PTPRK: variants seen among roughly 807,000 people sequenced by gnomAD.
PTPRK encodes protein tyrosine phosphatase receptor type K, also known as receptor-type tyrosine-protein phosphatase kappa.
Under a neutral mutation model 178.0 loss-of-function variants are expected in PTPRK, and 75 were observed. That is an observed-to-expected ratio of 0.42 (90% CI 0.35 to 0.51). PTPRK has a LOEUF of 0.51. PTPRK is among the 20% of genes least tolerant of loss of function. The probability of loss-of-function intolerance (pLI) is 0.02; values close to 1 mark genes in which losing one functional copy is unlikely to be tolerated. For missense variants in PTPRK, 1,441 were observed against 1,797.8 expected (o/e 0.80, Z 3.59); for synonymous variants, 637 against 620.6 (o/e 1.03, Z -0.39).
chr6:127,987,974 C>T lies in PTPRK; in HGVS notation c.3097-2099G>A, dbSNP rs76187263. 3.5e-3 allele frequency among the ~76,000 whole-genome samples: 538 copies of T among 152,056 alleles called. 3 individuals carry two copies. Among genetic ancestry groups the T allele is most frequent in the African/African-American group, 0.012 (503 of 41,482 alleles). On this transcript the variant is annotated intron_variant, in intron 21 of 29. Coordinates refer to ENST00000368226, the MANE Select transcript of PTPRK (RefSeq NM_002844.4). Reference sequence around the variant, plus strand: ...AATGCATTAATCTATTAAAGTCATACAGTTTTGGTACTTTAATGTACTGAC... The same window carrying T: ...AATGCATTAATCTATTAAAGTCATATAGTTTTGGTACTTTAATGTACTGAC...
intron 3 of PTPRK, among the ~76,000 whole-genome samples, chr6:128,264,399 T>C (rs1356216817): frequency 2.0e-5 from 3 of 152,184 alleles, no homozygotes; most frequent in Non-Finnish European, 1.5e-5. Context: ...TGCAAAAAAC[T>C]GTACAGTGCT....
intron 1 of PTPRK, among the ~76,000 whole-genome samples, chr6:128,495,139 A>G (rs1473421407): frequency 6.6e-6 from 1 of 152,198 alleles, no homozygotes; most frequent in African/African-American, 2.4e-5. Flanking sequence ...CCATTCATAC[A>G]CAGTCTAAAG....
intron 1 of PTPRK, among the ~76,000 whole-genome samples, chr6:128,427,362 C>A (rs80187578): frequency 0.026 from 3,899 of 152,298 alleles, 163 homozygotes; most frequent in African/African-American, 0.088. Flanking sequence ...CTAAGCCACA[C>A]CACTCCCTTG....
At chr6:128,395,135 G>A (rs1840121159) in intron 2 of PTPRK, among the ~76,000 whole-genome samples, 1 of 151,968 alleles carries the variant, frequency 6.6e-6, no homozygotes, top group Non-Finnish European at 1.5e-5. Flanking sequence ...TATGAGCAAG[G>A]AATATTCAGT....
intron 12 of PTPRK, 71 bp downstream of exon 12, chr6:128,067,448 T>C: frequency 7.1e-7 from 1 of 1,400,002 alleles, no homozygotes; most frequent in African/African-American, 1.4e-5. Flanking sequence ...CGGATGCTAC[T>C]GAGTATTCAT....
chr6:128,102,825 C>T (rs1789015286), intron 7 of PTPRK, among the ~76,000 whole-genome samples: 1 of 152,140 alleles, frequency 6.6e-6, no homozygotes, highest in African/African-American at 2.4e-5. Flanking sequence ...GCTTTCCTAT[C>T]TCAGTAAAGT....
chr6:128,204,262 C>A (rs569664888), intron 6 of PTPRK, among the ~76,000 whole-genome samples: 1 of 152,152 alleles, frequency 6.6e-6, no homozygotes, highest in South Asian at 2.1e-4. Context: ...AAAACATATA[C>A]AAAAATTAAC....
intron 1 of PTPRK, among the ~76,000 whole-genome samples, chr6:128,453,791 A>C (rs2128407930): frequency 6.6e-6 from 1 of 152,284 alleles, no homozygotes; most frequent in South Asian, 2.1e-4. Flanking sequence ...GCTGCATGTA[A>C]GAATCACATG....
chr6:128,046,968 C>T (rs1265744148), intron 13 of PTPRK, among the ~76,000 whole-genome samples: 1 of 152,068 alleles, frequency 6.6e-6, no homozygotes, highest in African/African-American at 2.4e-5. Context: ...CATCCATCTG[C>T]ACAGAGAAAA....
intron 13 of PTPRK, among the ~76,000 whole-genome samples, chr6:128,012,551 C>T (rs1779169154): frequency 6.6e-6 from 1 of 151,000 alleles, no homozygotes; most frequent in Non-Finnish European, 1.5e-5. Flanking sequence ...ATAAGGAATC[C>T]CCAGTGTTCA....
Position 128,064,806 on chromosome 6 carries a change from A to G in PTPRK, c.2158-12T>C. ...TGGGTTTTAGTTTCCTGATAGAGTA[A>G]AAATGAAAAAAAAAAGAGTCAATGT... On this transcript the variant is annotated splice_polypyrimidine_tract_variant and intron_variant, in intron 12 of 29. Transcript: ENST00000368226. 7 of 1,576,072 alleles carry G rather than the reference A, an allele frequency of 4.4e-6. No individual in the cohort carries two copies. The highest frequency in any genetic ancestry group is 6.0e-6 in the Non-Finnish European group (7 of 1,170,040).
intron 6 of PTPRK, among the ~76,000 whole-genome samples, chr6:128,213,312 T>C (rs1380067104): frequency 1.3e-5 from 2 of 151,972 alleles, no homozygotes; most frequent in Non-Finnish European, 2.9e-5. Context: ...TTTATCATAC[T>C]CAAGGGGAGC....
intron 1 of PTPRK, among the ~76,000 whole-genome samples, chr6:128,436,647 AT>A (rs1845639280): frequency 6.6e-6 from 1 of 151,820 alleles, no homozygotes; most frequent in African/African-American, 2.4e-5. Context: ...TGCATTTTTT[AT>A]TTTAGCCTCC....
chr6:128,428,441 C>G (rs1157519901), intron 1 of PTPRK, among the ~76,000 whole-genome samples: 1 of 152,106 alleles, frequency 6.6e-6, no homozygotes, highest in Non-Finnish European at 1.5e-5. Context: ...TCTAAGCATA[C>G]TGAGATCAGT....
chr6:128,297,719 C>T (rs369580805), intron 3 of PTPRK, among the ~76,000 whole-genome samples: 1 of 152,074 alleles, frequency 6.6e-6, no homozygotes, highest in East Asian at 1.9e-4. Context: ...GGGACACATT[C>T]AAAGCAGTGT....
chr6:128,192,180 C>T (rs1307070496), intron 6 of PTPRK, among the ~76,000 whole-genome samples: 1 of 152,078 alleles, frequency 6.6e-6, no homozygotes. Flanking sequence ...GGAGGTAAAT[C>T]ATGGTGTAAC....
chr6:128,486,192 TTTAG>T (rs200523611), intron 1 of PTPRK, among the ~76,000 whole-genome samples: 45 of 151,616 alleles, frequency 3.0e-4, no homozygotes, highest in South Asian at 4.1e-4. Flanking sequence ...GTGACAGTTT[TTTAG>T]TTAGTTTAGT....
intron 7 of PTPRK, among the ~76,000 whole-genome samples, chr6:128,099,026 T>C (rs1449071526): frequency 1.3e-5 from 2 of 151,992 alleles, no homozygotes; most frequent in Non-Finnish European, 2.9e-5. Flanking sequence ...CAAACTGTAG[T>C]AGGTTACCAG....
intron 1 of PTPRK, among the ~76,000 whole-genome samples, chr6:128,492,692 C>T (rs1448279989): frequency 6.6e-6 from 1 of 152,208 alleles, no homozygotes; most frequent in Non-Finnish European, 1.5e-5. Context: ...TCTAATTCAT[C>T]TCCTACTACT....
Sources: allele counts gnomAD v4.1 joint callset (sites outside exome capture counted in the v4.1 genomes callset), GRCh38; gene constraint gnomAD v4.1.1; transcripts MANE v1.5; gene names NCBI Gene and HGNC (gene_info 2026-07-23, HGNC 2026-07-21).